ROR1: variants seen among roughly 807,000 people sequenced by gnomAD.
ROR1 encodes the protein ROR family WNT receptor 1, also known as inactive tyrosine-protein kinase transmembrane receptor ROR1.
In ROR1, 19 loss-of-function variants were observed where a neutral mutation model predicts 78.8. The ratio of observed to expected loss-of-function variants is 0.24; its 90% CI spans 0.17 to 0.35. The LOEUF (loss-of-function observed/expected upper bound fraction) is 0.35, where lower values mean the gene tolerates loss of function less well. Among genes scored for constraint, ROR1 ranks in the 10% least tolerant of loss-of-function variants. The pLI is 1.00. For synonymous variants in ROR1, 386 were observed against 433.6 expected (o/e 0.89, Z 1.36); for missense variants, 917 against 1,177.8 (o/e 0.78, Z 3.24).
chr1:63,911,937 C>T (rs536809710), intron 1 of ROR1, among the ~76,000 whole-genome samples: 1 of 152,064 alleles, frequency 6.6e-6, no homozygotes, highest in African/African-American at 2.4e-5. Flanking sequence ...TCTGGAAACC[C>T]CATCACCTGC....
At chr1:64,036,051 C>A (rs146583394) in intron 2 of ROR1, among the ~76,000 whole-genome samples, 1 of 152,142 alleles carries the variant, frequency 6.6e-6, no homozygotes, top group Non-Finnish European at 1.5e-5. Context: ...CCCTTTGGTA[C>A]CCTAGAAGGT....
intron 4 of ROR1, among the ~76,000 whole-genome samples, chr1:64,084,907 A>G (rs1647138877): frequency 6.6e-6 from 1 of 152,188 alleles, no homozygotes; most frequent in African/African-American, 2.4e-5. Flanking sequence ...CAGCCCTGGC[A>G]GAGTTTGCAG....
intron 1 of ROR1, among the ~76,000 whole-genome samples, chr1:63,888,310 G>A (rs965555038): frequency 1.3e-5 from 2 of 152,114 alleles, no homozygotes; most frequent in Non-Finnish European, 2.9e-5. Flanking sequence ...ATGAAAAAAA[G>A]TCTGTCGTTA....
chr1:64,139,743 C>T (rs2100709480), intron 5 of ROR1, among the ~76,000 whole-genome samples: 1 of 152,188 alleles, frequency 6.6e-6, no homozygotes, highest in Non-Finnish European at 1.5e-5. Flanking sequence ...TCTGTCCCTA[C>T]AGCTGTCAAA....
rs576740020 is a variant in ROR1 at position 63,936,503 on chromosome 1, G to T, written c.92-72802G>T. ...GAATGCTAACCTTCCAGCATTTAAG[G>T]AATATATGACTAAGTTAAGAATTAT... is the stretch of plus-strand genomic sequence containing the variant. On this transcript the variant is annotated intron_variant, in intron 1 of 8. Coordinates refer to ENST00000371079, the MANE Select transcript of ROR1 (RefSeq NM_005012.4). Among the ~76,000 whole-genome samples the T allele has an allele frequency of 7.9e-5, 12 of 152,254 alleles. No homozygotes were observed. The South Asian group carries it at 2.3e-3, about 29-fold the overall frequency.
At chr1:63,859,327 G>T (rs1432157548) in intron 1 of ROR1, among the ~76,000 whole-genome samples, 1 of 152,158 alleles carries the variant, frequency 6.6e-6, no homozygotes, top group Admixed American at 6.5e-5. Flanking sequence ...GGACACTTTT[G>T]TGATGCTTTT....
At chr1:64,069,391 C>T (rs1056246312) in intron 4 of ROR1, among the ~76,000 whole-genome samples, 1 of 152,062 alleles carries the variant, frequency 6.6e-6, no homozygotes, top group Non-Finnish European at 1.5e-5. Context: ...GTAACTTCTC[C>T]ACAATAGTAC....
At chr1:64,068,330 A>G (rs996107297) in intron 4 of ROR1, among the ~76,000 whole-genome samples, 4 of 152,158 alleles carry the variant, frequency 2.6e-5, no homozygotes, top group African/African-American at 9.7e-5. Flanking sequence ...AATGTAAATC[A>G]TATTGCCATT....
intron 1 of ROR1, among the ~76,000 whole-genome samples, chr1:63,823,090 T>C (rs1413086868): frequency 6.6e-6 from 1 of 152,228 alleles, no homozygotes; most frequent in Non-Finnish European, 1.5e-5. Flanking sequence ...TAATATACTT[T>C]TGATTACTGG....
chr1:63,894,157 T>C (rs1645421745), intron 1 of ROR1, among the ~76,000 whole-genome samples: 1 of 152,094 alleles, frequency 6.6e-6, no homozygotes, highest in East Asian at 1.9e-4. Context: ...CATGGGCAGG[T>C]AGCATAGAAA....
intron 1 of ROR1, chr1:63,789,034 C>T: frequency 1.6e-6 from 1 of 630,948 alleles, no homozygotes; most frequent in Non-Finnish European, 3.1e-6. Context: ...GTGACCTTCT[C>T]TGGCATCCGG....
intron 4 of ROR1, among the ~76,000 whole-genome samples, chr1:64,082,595 A>G (rs1372565864): frequency 4.6e-5 from 7 of 152,212 alleles, no homozygotes; most frequent in Non-Finnish European, 7.3e-5. Context: ...GATCGGCCAT[A>G]CCATGCAAGC....
intron 2 of ROR1, among the ~76,000 whole-genome samples, chr1:64,032,374 AAAATATG>A: frequency 6.6e-6 from 1 of 152,016 alleles, no homozygotes; most frequent in African/African-American, 2.4e-5. Flanking sequence ...TGCAAAAAGC[AAAATATG>A]TTGTTCCTGC....
chr1:63,981,430 C>T lies in ROR1; in HGVS notation c.92-27875C>T, dbSNP rs551687294. 4.7e-4 allele frequency among the ~76,000 whole-genome samples: 71 copies of T among 152,216 alleles called. 1 individual carries two copies. The highest frequency in any genetic ancestry group is 1.6e-3 in the African/African-American group (67 of 41,558). On this transcript the variant is annotated intron_variant, in intron 1 of 8. Transcript: ENST00000371079. ...CCCAGGTGGGGCTAAGTGGAATGTC[C>T]CCAAGGCCCAGATTGGTGCCCATTT... is the stretch of plus-strand genomic sequence containing the variant.
At chr1:63,898,393 T>C (rs1645457726) in intron 1 of ROR1, among the ~76,000 whole-genome samples, 1 of 151,708 alleles carries the variant, frequency 6.6e-6, no homozygotes, top group Non-Finnish European at 1.5e-5. Context: ...AAGGAGGTTT[T>C]TTTTTTAAAA....
At chr1:64,054,909 A>G (rs923861884) in intron 4 of ROR1, among the ~76,000 whole-genome samples, 3 of 152,130 alleles carry the variant, frequency 2.0e-5, no homozygotes, top group Non-Finnish European at 2.9e-5. Flanking sequence ...ATTTTTCCGT[A>G]TTCATTGGCT....
chr1:64,157,851 T>A (rs983084418), intron 7 of ROR1, among the ~76,000 whole-genome samples: 1 of 152,238 alleles, frequency 6.6e-6, no homozygotes, highest in African/African-American at 2.4e-5. Context: ...TAGCTTTTGT[T>A]TATTGACTTA....
chr1:64,132,494 TCA>T lies in ROR1; in HGVS notation c.483-4871_483-4870del, dbSNP rs371062775. On this transcript the variant is annotated intron_variant, in intron 4 of 8. Transcript: ENST00000371079. ...GAGGTAGGAGACCCGGCGTGGTGGCTCACACCTGTAATCCTAGCACTTTGGGA... is the reference window on the plus strand; with the variant it reads ...GAGGTAGGAGACCCGGCGTGGTGGCTCACCTGTAATCCTAGCACTTTGGGA... 7.7e-4 allele frequency among the ~76,000 whole-genome samples: 117 copies of T among 152,230 alleles called. No individual in the cohort carries two copies. In the Middle Eastern group the frequency reaches 0.01, roughly 13 times the overall value.
At chr1:63,974,720 C>T (rs1009274486) in intron 1 of ROR1, among the ~76,000 whole-genome samples, 1 of 152,108 alleles carries the variant, frequency 6.6e-6, no homozygotes, top group Non-Finnish European at 1.5e-5. Flanking sequence ...CCACTGTAAC[C>T]GCACACTCCT....
Sources: allele counts gnomAD v4.1 joint callset (sites outside exome capture counted in the v4.1 genomes callset), GRCh38; gene constraint gnomAD v4.1.1; transcripts MANE v1.5; gene names NCBI Gene and HGNC (gene_info 2026-07-23, HGNC 2026-07-21).